GALNT17: variants seen among roughly 807,000 people sequenced by gnomAD.
GALNT17 encodes the protein polypeptide N-acetylgalactosaminyltransferase 17, also known as UDP-GalNAc:polypeptide N-acetylgalactosaminyltransferase-like 3.
In GALNT17, 29 loss-of-function variants were observed where a neutral mutation model predicts 63.7. The ratio of observed to expected loss-of-function variants is 0.46; its 90% CI spans 0.34 to 0.62. The LOEUF is 0.62. Among genes scored for constraint, GALNT17 ranks in the 20% least tolerant of loss-of-function variants. The pLI is 0.01. For synonymous variants in GALNT17, 305 were observed against 318.3 expected (o/e 0.96, Z 0.45); for missense variants, 603 against 799.6 (o/e 0.75, Z 2.97).
intron 5 of GALNT17, among the ~76,000 whole-genome samples, chr7:71,567,092 A>G (rs1789361396): frequency 6.6e-6 from 1 of 152,042 alleles, no homozygotes; most frequent in South Asian, 2.1e-4. Flanking sequence ...AGGAAACATA[A>G]TTTGTCCTGG....
chr7:71,254,134 A>G (rs962821293), intron 1 of GALNT17, among the ~76,000 whole-genome samples: 1 of 152,228 alleles, frequency 6.6e-6, no homozygotes, highest in Non-Finnish European at 1.5e-5. Context: ...CTTCCAGGTC[A>G]TAGGTAGATT....
In GALNT17 at chr7:71,318,423, TG is replaced by T. The variant is rs769486307; in HGVS notation, c.239-17126del. Among the ~76,000 whole-genome samples, 503 of 144,552 alleles carry T rather than the reference TG, an allele frequency of 3.5e-3. 12 individuals carry two copies. The highest frequency in any genetic ancestry group is 0.013 in the South Asian group (58 of 4,458). The allele number at this position is 144,552 out of a possible 152,430, so 94.8% of individuals were successfully genotyped here. On this transcript the variant is annotated intron_variant, in intron 1 of 10. Coordinates refer to ENST00000333538, the MANE Select transcript of GALNT17 (RefSeq NM_022479.3). ...ATTCCCTGAAGCTCTTTTTTTTTTG[TG>T]TGTGTGTGGGGGGTGGGATATAGTC...
intron 9 of GALNT17, among the ~76,000 whole-genome samples, chr7:71,688,801 C>T (rs1238578516): frequency 1.3e-5 from 2 of 152,112 alleles, no homozygotes; most frequent in Non-Finnish European, 2.9e-5. Flanking sequence ...CATCAGTGTG[C>T]AGAAGTAAAG....
chr7:71,515,458 T>G (rs894294408), intron 5 of GALNT17, among the ~76,000 whole-genome samples: 2 of 152,208 alleles, frequency 1.3e-5, no homozygotes, highest in Non-Finnish European at 2.9e-5. Context: ...GTCTTTTACT[T>G]TCTCCTGAGT....
chr7:71,329,652 G>GGA (rs149805819), intron 1 of GALNT17, among the ~76,000 whole-genome samples: 76 of 150,846 alleles, frequency 5.0e-4, no homozygotes, highest in Middle Eastern at 3.4e-3. Context: ...GACAGAGCCA[G>GGA]GAGAGAGAGA....
intron 1 of GALNT17, among the ~76,000 whole-genome samples, chr7:71,313,491 C>T (rs748192641): frequency 2.0e-5 from 3 of 152,104 alleles, no homozygotes; most frequent in African/African-American, 4.8e-5. Context: ...GCCAACTGTC[C>T]GTAGCAACAA....
chr7:71,377,718 T>C (rs1287190311), intron 2 of GALNT17, among the ~76,000 whole-genome samples: 1 of 152,182 alleles, frequency 6.6e-6, no homozygotes, highest in African/African-American at 2.4e-5. Flanking sequence ...CTCCACGTGT[T>C]GAGGGATGGA....
At chr7:71,155,968 AG>A (rs1788227854) in intron 1 of GALNT17, among the ~76,000 whole-genome samples, 1 of 151,896 alleles carries the variant, frequency 6.6e-6, no homozygotes, top group Non-Finnish European at 1.5e-5. Flanking sequence ...AGGCTGAGGC[AG>A]GCAGATCACC....
intron 3 of GALNT17, among the ~76,000 whole-genome samples, chr7:71,413,596 A>G (rs1793469908): frequency 6.6e-6 from 1 of 150,724 alleles, no homozygotes; most frequent in Admixed American, 6.6e-5. Context: ...CTGGTCTCAA[A>G]CTCCTGATCT....
chr7:71,540,538 G>A (rs1465181234), intron 5 of GALNT17, among the ~76,000 whole-genome samples: 3 of 152,134 alleles, frequency 2.0e-5, no homozygotes, highest in Non-Finnish European at 2.9e-5. Context: ...TGACTCAGCA[G>A]AACAAAGGCC....
At chr7:71,223,732 A>G (rs1004723161) in intron 1 of GALNT17, among the ~76,000 whole-genome samples, 3 of 152,018 alleles carry the variant, frequency 2.0e-5, no homozygotes, top group African/African-American at 7.2e-5. Context: ...ATGCTCAAGT[A>G]GCCCCAGTGT....
chr7:71,384,043 C>A (rs548804647), intron 2 of GALNT17, among the ~76,000 whole-genome samples: 1 of 152,198 alleles, frequency 6.6e-6, no homozygotes, highest in Non-Finnish European at 1.5e-5. Context: ...GTAACATCCT[C>A]CCCTTCCATC....
At chr7:71,581,079 G>A (rs1233334138) in intron 6 of GALNT17, among the ~76,000 whole-genome samples, 1 of 152,192 alleles carries the variant, frequency 6.6e-6, no homozygotes, top group Non-Finnish European at 1.5e-5. Flanking sequence ...ATGGTGGAAG[G>A]GGAAGGAGAA....
intron 5 of GALNT17, among the ~76,000 whole-genome samples, chr7:71,549,615 T>C (rs1789041386): frequency 1.3e-5 from 2 of 152,146 alleles, no homozygotes; most frequent in Non-Finnish European, 2.9e-5. Flanking sequence ...TATATTACAA[T>C]ATACATTAAG....
intron 5 of GALNT17, among the ~76,000 whole-genome samples, chr7:71,481,228 C>T (rs1028337523): frequency 6.6e-6 from 1 of 152,212 alleles, no homozygotes; most frequent in African/African-American, 2.4e-5. Context: ...AGGCAGATCA[C>T]TTGAGGTCAG....
At chr7:71,501,055 T>A (rs1788172902) in intron 5 of GALNT17, among the ~76,000 whole-genome samples, 1 of 152,138 alleles carries the variant, frequency 6.6e-6, no homozygotes, top group Admixed American at 6.5e-5. Context: ...CTGCAACTTC[T>A]GCCTCCTGGA....
At chr7:71,287,379 C>G (rs1790894101) in intron 1 of GALNT17, among the ~76,000 whole-genome samples, 1 of 152,108 alleles carries the variant, frequency 6.6e-6, no homozygotes, top group Non-Finnish European at 1.5e-5. Flanking sequence ...TGTGAGACAC[C>G]ACACCCGGCT....
At chr7:71,507,508 A>C (rs1371813848) in intron 5 of GALNT17, among the ~76,000 whole-genome samples, 1 of 152,200 alleles carries the variant, frequency 6.6e-6, no homozygotes, top group Non-Finnish European at 1.5e-5. Context: ...GTTCTGCTGG[A>C]ACAGCTGCCT....
intron 6 of GALNT17, among the ~76,000 whole-genome samples, chr7:71,636,054 T>G (rs149999675): frequency 0.012 from 1,807 of 152,288 alleles, 42 homozygotes; most frequent in African/African-American, 0.041. Flanking sequence ...CAGCCTTATT[T>G]TACCCAGCCC....
Sources: allele counts gnomAD v4.1 joint callset (sites outside exome capture counted in the v4.1 genomes callset), GRCh38; gene constraint gnomAD v4.1.1; transcripts MANE v1.5; gene names NCBI Gene and HGNC (gene_info 2026-07-23, HGNC 2026-07-21).